The following EPB41L5 variants were observed in gnomAD, a reference collection of about 807,000 sequenced individuals.
EPB41L5 encodes band 4.1-like protein 5.
Under a neutral mutation model 106.6 loss-of-function variants are expected in EPB41L5, and 55 were observed. That is an observed-to-expected ratio of 0.52 (90% CI 0.42 to 0.65). The LOEUF (loss-of-function observed/expected upper bound fraction) is 0.65. EPB41L5 is among the 30% of genes least tolerant of loss of function. The probability of loss-of-function intolerance (pLI) is 0.00; values close to 1 mark genes in which losing one functional copy is unlikely to be tolerated. For missense variants in EPB41L5, 871 were observed against 882.1 expected (o/e 0.99, Z 0.16); for synonymous variants, 297 against 306.7 (o/e 0.97, Z 0.33).
chr2:120,092,545 T>C (rs1401334760), intron 13 of EPB41L5, among the ~76,000 whole-genome samples: 6 of 152,204 alleles, frequency 3.9e-5, no homozygotes, highest in African/African-American at 1.2e-4. Context: ...TTAAACTGAA[T>C]TTGCATTAAA....
chr2:120,015,251 C>T (rs1238725890), intron 1 of EPB41L5, among the ~76,000 whole-genome samples: 3 of 151,258 alleles, frequency 2.0e-5, no homozygotes, highest in Non-Finnish European at 2.9e-5. Context: ...GGCGTAAACC[C>T]GGGAGGCAGA....
chr2:120,108,472 A>G (rs1278020560), intron 16 of EPB41L5: 3 of 152,232 alleles, frequency 2.0e-5, no homozygotes, highest in Non-Finnish European at 2.9e-5. Context: ...GCTCGCATCT[A>G]CAGACATGAC....
intron 22 of EPB41L5, among the ~76,000 whole-genome samples, chr2:120,166,563 G>A (rs904860847): frequency 2.0e-5 from 3 of 151,766 alleles, no homozygotes; most frequent in African/African-American, 4.8e-5. Flanking sequence ...TTGGCCTCCC[G>A]AGTAGCTGGG....
chr2:120,169,617 C>G (rs554705046), intron 24 of EPB41L5, among the ~76,000 whole-genome samples: 1 of 152,176 alleles, frequency 6.6e-6, no homozygotes, highest in African/African-American at 2.4e-5. Flanking sequence ...TCTCTCACCC[C>G]CTTCCCTTCT....
At position 120,047,682 on chromosome 2, in the gene EPB41L5, G is replaced by A. The variant is rs183763219; in HGVS notation, c.285+5572G>A. 2.9e-3 allele frequency among the ~76,000 whole-genome samples: 439 copies of A among 152,282 alleles called. 4 individuals carry two copies. The highest frequency in any genetic ancestry group is 0.024 in the Middle Eastern group (7 of 294). On this transcript the variant is annotated intron_variant, in intron 3 of 24. Transcript: ENST00000263713. ...TTCTCCTGCCTGATTGCCCTGGCCAGAACTTCCAACACTATGTTGAATAGG... is the reference window on the plus strand; with the variant it reads ...TTCTCCTGCCTGATTGCCCTGGCCAAAACTTCCAACACTATGTTGAATAGG...
At position 120,148,890 on chromosome 2, in the gene EPB41L5, TCTC is replaced by T. The variant is rs1278305147; in HGVS notation, c.1793+2605_1793+2607del. 5.3e-5 allele frequency among the ~76,000 whole-genome samples: 8 copies of T among 152,266 alleles called. No individual in the cohort carries two copies. The East Asian group carries it at 1.5e-3, about 29-fold the overall frequency. On this transcript the variant is annotated intron_variant, in intron 20 of 24. Transcript: ENST00000263713. Reference sequence around the variant, plus strand: ...GTATATACCTAGGAGTAACACCATTTCTCCTCAGTCATATGGTAACTCTATATT... The same window carrying T: ...GTATATACCTAGGAGTAACACCATTTCTCAGTCATATGGTAACTCTATATT...
chr2:120,033,674 C>T (rs1678861615), intron 2 of EPB41L5, among the ~76,000 whole-genome samples: 1 of 146,592 alleles, frequency 6.8e-6, no homozygotes, highest in Admixed American at 6.9e-5. Context: ...CGCCACTGCA[C>T]TCCAGCCCAG....
intron 24 of EPB41L5, among the ~76,000 whole-genome samples, chr2:120,171,229 T>C (rs1687658439): frequency 6.6e-6 from 1 of 152,080 alleles, no homozygotes; most frequent in Admixed American, 6.6e-5. Flanking sequence ...AATCTAAGCC[T>C]GAATAGGGGA....
intron 3 of EPB41L5, among the ~76,000 whole-genome samples, chr2:120,044,252 ATTTCT>A (rs1443286817): frequency 2.6e-5 from 4 of 151,720 alleles, no homozygotes; most frequent in Non-Finnish European, 5.9e-5. Flanking sequence ...TGTAGGAGAT[ATTTCT>A]TTTATTTTTC....
Position 120,177,237 on chromosome 2 carries a change from TGAGAA to T in EPB41L5, c.*2335_*2339del, listed in dbSNP as rs926371148. The T allele has an allele frequency of 3.3e-5, 5 of 152,172 alleles. No individual in the cohort carries two copies. Among genetic ancestry groups the T allele is most frequent in the Non-Finnish European group, 5.9e-5 (4 of 68,224 alleles). The allele number at this position is 152,172 out of a possible 1,614,324, so 9.4% of individuals were successfully genotyped here. On this transcript the variant is annotated 3_prime_UTR_variant, in exon 25 of 25. Transcript: ENST00000263713. ...TAGGGAAGGGGAGATGTCTGTCTCT[TGAGAA>T]GAGAGAGGCATGTGTGCCGGCATCC...
chr2:120,019,068 T>C lies in EPB41L5; in HGVS notation c.-8-9T>C. On this transcript the variant is annotated splice_polypyrimidine_tract_variant and intron_variant, in intron 1 of 24. Transcript: ENST00000263713. Reference sequence around the variant, plus strand: ...TCCTGATGCCATCTTTTTCTCTCTGTTTTTATAGTGACAAAAATGCTGAGT... The same window carrying C: ...TCCTGATGCCATCTTTTTCTCTCTGCTTTTATAGTGACAAAAATGCTGAGT... The C allele has an allele frequency of 6.3e-7, 1 of 1,593,336 alleles. No homozygotes were observed. Among genetic ancestry groups the C allele is most frequent in the Non-Finnish European group, 8.5e-7 (1 of 1,172,102 alleles).
chr2:120,114,688 T>A (rs879533727), intron 16 of EPB41L5, among the ~76,000 whole-genome samples: 1 of 152,212 alleles, frequency 6.6e-6, no homozygotes, highest in Non-Finnish European at 1.5e-5. Flanking sequence ...AGATACATAC[T>A]TTTGAAAATT....
chr2:120,073,522 T>TA (rs1682024376), intron 4 of EPB41L5, among the ~76,000 whole-genome samples: 1 of 152,242 alleles, frequency 6.6e-6, no homozygotes, highest in Admixed American at 6.5e-5. Flanking sequence ...GGAATTTTCC[T>TA]GTTTGGCATC....
intron 3 of EPB41L5, among the ~76,000 whole-genome samples, chr2:120,050,476 A>G (rs1357667291): frequency 2.0e-5 from 3 of 152,140 alleles, no homozygotes; most frequent in African/African-American, 4.8e-5. Context: ...TGCATGCATC[A>G]CGTCATTCTC....
rs200723216 is a variant in EPB41L5, at chr2:120,077,263, C to T, written c.661C>T (p.Leu221=). Reference sequence around the variant, plus strand: ...ACCAGCACAGGCTGAAACCAATTATCTGAATAAAGCCAAATGGCTAGAAAT... The same window carrying T: ...ACCAGCACAGGCTGAAACCAATTATTTGAATAAAGCCAAATGGCTAGAAAT... ...QTPAQAETNY[L]NKAKWLEMYG... Residue 221 remains leucine, a synonymous_variant, in exon 9 of 25, where the codon CTG becomes TTG. Transcript: ENST00000263713. The T allele has an allele frequency of 2.7e-5, 43 of 1,611,566 alleles. No homozygotes were observed. The East Asian group carries it at 3.1e-4, about 12-fold the overall frequency.
At chr2:120,154,603 C>G (rs573788026) in intron 20 of EPB41L5, among the ~76,000 whole-genome samples, 29 of 152,220 alleles carry the variant, frequency 1.9e-4, no homozygotes, top group Admixed American at 3.9e-4. Flanking sequence ...GTGTGTGTTT[C>G]TGCCCCTTTA....
At chr2:120,071,585 A>C (rs1402365658) in intron 3 of EPB41L5, among the ~76,000 whole-genome samples, 1 of 152,212 alleles carries the variant, frequency 6.6e-6, no homozygotes, top group African/African-American at 2.4e-5. Context: ...ACAGATATAT[A>C]GACCTATGGA....
At chr2:120,036,568 T>C (rs939315778) in intron 2 of EPB41L5, among the ~76,000 whole-genome samples, 3 of 152,218 alleles carry the variant, frequency 2.0e-5, no homozygotes, top group African/African-American at 7.2e-5. Flanking sequence ...TATGTGTGTG[T>C]TTTCTTGTTT....
chr2:120,062,259 C>T (rs1430756803), intron 3 of EPB41L5, among the ~76,000 whole-genome samples: 2 of 152,094 alleles, frequency 1.3e-5, no homozygotes, highest in East Asian at 1.9e-4. Flanking sequence ...AAATAAATAA[C>T]ATGTTAAATG....
Sources: allele counts gnomAD v4.1 joint callset (sites outside exome capture counted in the v4.1 genomes callset), GRCh38; gene constraint gnomAD v4.1.1; transcripts MANE v1.5; gene names NCBI Gene and HGNC (gene_info 2026-07-23, HGNC 2026-07-21).